The following POU3F3 variants were observed in gnomAD, a reference collection of about 807,000 sequenced individuals.
POU3F3 encodes POU class 3 homeobox 3.
Under a neutral mutation model 8.6 loss-of-function variants are expected in POU3F3, and 1 was observed. That is an observed-to-expected ratio of 0.12 (90% confidence interval 0.04 to 0.55). The LOEUF is 0.55. POU3F3 is among the 20% of genes least tolerant of loss of function. POU3F3 has a pLI of 0.91. For missense variants in POU3F3, 577 were observed against 690.7 expected, an observed-to-expected ratio of 0.84 and a Z score of 1.84; for synonymous variants, 418 against 327.4, an observed-to-expected ratio of 1.28 and a Z score of -2.99.
chr2:104,902,741 A>G, the POU3F3 span, among the ~76,000 whole-genome samples: 1 of 152,140 alleles, frequency 6.6e-6, no homozygotes, highest in Non-Finnish European at 1.5e-5. Flanking sequence ...ATGTTTAATG[A>G]TTTTTTTCTT....
the POU3F3 span, among the ~76,000 whole-genome samples, chr2:104,900,425 A>G: frequency 3.3e-5 from 5 of 152,212 alleles, no homozygotes; most frequent in East Asian, 3.9e-4. Flanking sequence ...ATAATTTGAC[A>G]TGATGTTTAG....
the POU3F3 span, among the ~76,000 whole-genome samples, chr2:104,868,921 A>G: frequency 6.6e-6 from 1 of 152,216 alleles, no homozygotes; most frequent in Non-Finnish European, 1.5e-5. Context: ...ATAATTCCAT[A>G]TAGGACAGTG....
At chr2:104,919,899 G>A in the POU3F3 span, among the ~76,000 whole-genome samples, 1 of 152,014 alleles carries the variant, frequency 6.6e-6, no homozygotes, top group Admixed American at 6.6e-5. Flanking sequence ...ACACACAGAG[G>A]CGGCTGAAAA....
At chr2:104,903,496 T>G in the POU3F3 span, among the ~76,000 whole-genome samples, 2 of 152,238 alleles carry the variant, frequency 1.3e-5, no homozygotes, top group Non-Finnish European at 2.9e-5. Flanking sequence ...TCAGAGCTGC[T>G]GCACGCTTTA....
At chr2:104,920,932 C>G in the POU3F3 span, among the ~76,000 whole-genome samples, 1 of 152,292 alleles carries the variant, frequency 6.6e-6, no homozygotes, top group Non-Finnish European at 1.5e-5. Context: ...CCCCCACATT[C>G]ATGTTCCAAG....
the POU3F3 span, among the ~76,000 whole-genome samples, chr2:104,900,851 C>T: frequency 6.6e-6 from 1 of 152,152 alleles, no homozygotes; most frequent in Non-Finnish European, 1.5e-5. Context: ...TGAATGAGAG[C>T]AGTATATTCT....
At chr2:104,904,911 G>A in the POU3F3 span, among the ~76,000 whole-genome samples, 15 of 152,208 alleles carry the variant, frequency 9.9e-5, no homozygotes, top group African/African-American at 2.6e-4. Context: ...CTCTGGGCCC[G>A]CTGAATTCCT....
chr2:104,914,696 T>A, the POU3F3 span, among the ~76,000 whole-genome samples: 1 of 152,126 alleles, frequency 6.6e-6, no homozygotes, highest in South Asian at 2.1e-4. Flanking sequence ...GACTTTTGCT[T>A]TAGCTGAAGG....
the POU3F3 span, among the ~76,000 whole-genome samples, chr2:104,870,772 T>C: frequency 2.0e-5 from 3 of 152,134 alleles, no homozygotes; most frequent in African/African-American, 7.2e-5. Context: ...CTTCCTCCTA[T>C]CCCAGAATGA....
the POU3F3 span, among the ~76,000 whole-genome samples, chr2:104,886,565 A>G: frequency 6.6e-6 from 1 of 152,254 alleles, no homozygotes; most frequent in African/African-American, 2.4e-5. Flanking sequence ...ATCTCGCACA[A>G]GAAAGAATTC....
At chr2:104,878,875 C>T in the POU3F3 span, among the ~76,000 whole-genome samples, 3 of 152,110 alleles carry the variant, frequency 2.0e-5, no homozygotes, top group African/African-American at 7.2e-5. Context: ...CAGCACACAA[C>T]CCAGCACACA....
At chr2:104,896,025 G>A in the POU3F3 span, among the ~76,000 whole-genome samples, 585 of 152,284 alleles carry the variant, frequency 3.8e-3, 6 homozygotes, top group African/African-American at 0.013. Context: ...ACAAGGGCTC[G>A]GTAGCTGGGC....
chr2:104,886,610 A>C, the POU3F3 span, among the ~76,000 whole-genome samples: 1 of 152,200 alleles, frequency 6.6e-6, no homozygotes, highest in Admixed American at 6.5e-5. Flanking sequence ...AAGTTTATGA[A>C]GAAAGTAAAG....
chr2:104,893,703 G>A, the POU3F3 span, among the ~76,000 whole-genome samples: 7 of 151,940 alleles, frequency 4.6e-5, no homozygotes, highest in African/African-American at 9.7e-5. Flanking sequence ...CCAACATGGC[G>A]AAACCCCATG....
chr2:104,873,182 G>A, the POU3F3 span, among the ~76,000 whole-genome samples: 1 of 152,202 alleles, frequency 6.6e-6, no homozygotes, highest in Non-Finnish European at 1.5e-5. Flanking sequence ...GCGGCTGTGA[G>A]CGCTGGGCCG....
the POU3F3 span, among the ~76,000 whole-genome samples, chr2:104,869,363 G>A: frequency 3.3e-5 from 5 of 152,156 alleles, no homozygotes; most frequent in East Asian, 1.9e-4. Context: ...CTGAAGGGGC[G>A]ATGGAGTGTC....
chr2:104,922,135 C>T, the POU3F3 span, among the ~76,000 whole-genome samples: 1 of 152,066 alleles, frequency 6.6e-6, no homozygotes, highest in Non-Finnish European at 1.5e-5. Flanking sequence ...AGACAGCTTA[C>T]AACAATCACA....
chr2:104,894,193 A>G, the POU3F3 span, among the ~76,000 whole-genome samples: 1 of 152,230 alleles, frequency 6.6e-6, no homozygotes, highest in Non-Finnish European at 1.5e-5. Context: ...TGCATCGCAC[A>G]TGAGTTGTAC....
downstream of POU3F3, among the ~76,000 whole-genome samples, chr2:104,859,094 A>G (rs1676626008): frequency 6.6e-6 from 1 of 151,538 alleles, no homozygotes; most frequent in African/African-American, 2.4e-5. Context: ...ACTTCCCATC[A>G]ATAACTATAT....
Sources: gnomAD v4.1 joint callset for allele counts (sites outside exome capture counted in the v4.1 genomes callset) on GRCh38, gnomAD v4.1.1 for gene constraint, MANE v1.5 for transcripts, NCBI Gene and HGNC (gene_info 2026-07-23, HGNC 2026-07-21) for gene names.